The following LRGUK variants were observed in gnomAD, a reference collection of about 807,000 sequenced individuals.
LRGUK encodes leucine-rich repeat and guanylate kinase domain-containing protein.
Under a neutral mutation model 76.0 loss-of-function variants are expected in LRGUK, and 65 were observed. The ratio of observed to expected loss-of-function variants is 0.85; its 90% CI spans 0.70 to 1.05. LRGUK has a LOEUF of 1.05. Among genes scored for constraint, LRGUK ranks in the 50% least tolerant of loss-of-function variants. The pLI is 0.00. For synonymous variants in LRGUK, 268 were observed against 265.6 expected, an observed-to-expected ratio of 1.01 and a Z score of -0.09; for missense variants, 758 against 732.8, an observed-to-expected ratio of 1.03 and a Z score of -0.40.
intron 3 of LRGUK, among the ~76,000 whole-genome samples, chr7:134,142,670 CTAATTATCAAGA>C (rs1225391693): frequency 6.6e-6 from 1 of 152,154 alleles, no homozygotes; most frequent in Non-Finnish European, 1.5e-5. Flanking sequence ...TATTTAGGGG[CTAATTATCAAGA>C]GGATTATCTA....
intron 13 of LRGUK, among the ~76,000 whole-genome samples, chr7:134,197,907 T>TAAAA (rs1800573592): frequency 1.3e-5 from 2 of 152,176 alleles, no homozygotes; most frequent in South Asian, 2.1e-4. Flanking sequence ...ATGACACTTT[T>TAAAA]GGAATTAAAA....
At chr7:134,169,455 A>G (rs1799154785) in intron 7 of LRGUK, among the ~76,000 whole-genome samples, 1 of 152,174 alleles carries the variant, frequency 6.6e-6, no homozygotes, top group Admixed American at 6.5e-5. Context: ...AAACTTATAT[A>G]TCAAGTGAAA....
intron 15 of LRGUK, among the ~76,000 whole-genome samples, chr7:134,221,008 T>TG (rs1322517669): frequency 6.6e-6 from 1 of 152,180 alleles, no homozygotes; most frequent in African/African-American, 2.4e-5. Flanking sequence ...TCACTACACT[T>TG]GTAGTGCCTA....
intron 15 of LRGUK, chr7:134,208,658 C>G (rs1801106958): frequency 5.0e-6 from 2 of 398,272 alleles, no homozygotes; most frequent in South Asian, 1.3e-4. Context: ...AATTTCTAAG[C>G]AGTTAGTTAA....
chr7:134,263,832 G>C lies in LRGUK; in HGVS notation c.2348-13G>C. ...CAAGGGATTAACTATCTTTTTTTCT[G>C]AATGTTTTACAGCACTACCTATACA... On this transcript the variant is annotated splice_polypyrimidine_tract_variant and intron_variant, in intron 19 of 19. Transcript: ENST00000285928. 2 of 1,586,364 alleles carry C rather than the reference G, an allele frequency of 1.3e-6. No individual in the cohort carries two copies. Among genetic ancestry groups the C allele is most frequent in the Non-Finnish European group, 1.7e-6 (2 of 1,168,082 alleles).
intron 16 of LRGUK, among the ~76,000 whole-genome samples, chr7:134,226,400 T>C (rs1022072147): frequency 6.6e-6 from 1 of 152,150 alleles, no homozygotes; most frequent in African/African-American, 2.4e-5. Flanking sequence ...AATCTAATAT[T>C]CTCTTCCCTT....
intron 16 of LRGUK, among the ~76,000 whole-genome samples, chr7:134,226,910 C>T (rs928453371): frequency 3.9e-5 from 6 of 152,216 alleles, no homozygotes; most frequent in Admixed American, 1.3e-4. Context: ...CTCCTTTGGG[C>T]GATCATCAGC....
At chr7:134,169,186 ACACACACACT>A in intron 7 of LRGUK, among the ~76,000 whole-genome samples, 1 of 79,634 alleles carries the variant, frequency 1.3e-5, no homozygotes, top group East Asian at 3.0e-4. Context: ...ACACACACAC[ACACACACACT>A]GAAGGCCATG....
chr7:134,257,141 C>A (rs1052176606), intron 18 of LRGUK, among the ~76,000 whole-genome samples: 7 of 152,212 alleles, frequency 4.6e-5, no homozygotes, highest in African/African-American at 1.7e-4. Flanking sequence ...CAGTAAATTT[C>A]TCCTGCCTTC....
At chr7:134,240,116 G>C (rs1278049023) in intron 16 of LRGUK, among the ~76,000 whole-genome samples, 1 of 152,210 alleles carries the variant, frequency 6.6e-6, no homozygotes, top group Non-Finnish European at 1.5e-5. Context: ...GAGCAGAAAA[G>C]CTGAAAATTC....
rs1802395643 is a variant in LRGUK, at chr7:134,249,612, G to A, written c.2198+536G>A. On this transcript the variant is annotated intron_variant, in intron 18 of 19. Coordinates refer to the LRGUK transcript ENST00000285928. Reference sequence around the variant, plus strand: ...TATTTGCAACCAACCATTCTGATTAGTATGACGCTGTATTTCAAAATGTTT... The same window carrying A: ...TATTTGCAACCAACCATTCTGATTAATATGACGCTGTATTTCAAAATGTTT... Among the ~76,000 whole-genome samples the A allele has an allele frequency of 2.6e-5, 4 of 152,206 alleles. No individual in the cohort carries two copies. In the South Asian group the frequency reaches 8.3e-4, roughly 32 times the overall value.
At chr7:134,152,770 G>A (rs1484211752) in intron 5 of LRGUK, among the ~76,000 whole-genome samples, 2 of 152,032 alleles carry the variant, frequency 1.3e-5, no homozygotes, top group East Asian at 3.8e-4. Context: ...CTGGAGCCTT[G>A]TATAAGAATG....
chr7:134,190,402 C>G (rs1408119574), intron 11 of LRGUK, among the ~76,000 whole-genome samples: 1 of 152,098 alleles, frequency 6.6e-6, no homozygotes, highest in Non-Finnish European at 1.5e-5. Context: ...GAGACAGAAT[C>G]TCACTATGTT....
At chr7:134,247,577 C>G in exon 17 of LRGUK, 1 of 1,613,554 alleles carries the variant, frequency 6.2e-7, no homozygotes, top group Non-Finnish European at 8.5e-7. Flanking sequence ...TATACACAGA[C>G]AGCACGAGGC....
intron 3 of LRGUK, 86 bp downstream of exon 3, chr7:134,139,603 C>T (rs1279084210): frequency 1.3e-6 from 1 of 774,942 alleles, no homozygotes; most frequent in African/African-American, 1.8e-5. Context: ...TAATGCCAGA[C>T]TTGATATCAC....
rs1801442762 is a variant in LRGUK, at chr7:134,216,606, T to C, written c.1844-5173T>C. Among the ~76,000 whole-genome samples, 5 of 152,338 alleles carry C rather than the reference T, an allele frequency of 3.3e-5. No individual in the cohort carries two copies. In the South Asian group the frequency reaches 1.0e-3, roughly 32 times the overall value. ...TAAATGCTATCTGTTATTTTTACTATGATTTCATTATTGATAAAATCAAGA... is the reference window on the plus strand; with the variant it reads ...TAAATGCTATCTGTTATTTTTACTACGATTTCATTATTGATAAAATCAAGA... On this transcript the variant is annotated intron_variant, in intron 15 of 19. Coordinates refer to the LRGUK transcript ENST00000285928.
intron 16 of LRGUK, among the ~76,000 whole-genome samples, chr7:134,232,567 C>A (rs566921706): frequency 6.6e-6 from 1 of 152,144 alleles, no homozygotes; most frequent in Non-Finnish European, 1.5e-5. Flanking sequence ...CATAAGCCAC[C>A]GCACCAGGCC....
intron 4 of LRGUK, among the ~76,000 whole-genome samples, chr7:134,143,859 A>G (rs1473512422): frequency 2.0e-5 from 3 of 152,054 alleles, no homozygotes; most frequent in African/African-American, 7.2e-5. Flanking sequence ...ATTCTGACCC[A>G]TTAGGTCTGG....
chr7:134,150,136 G>A (rs545342554), intron 5 of LRGUK, among the ~76,000 whole-genome samples: 11 of 152,130 alleles, frequency 7.2e-5, no homozygotes, highest in Admixed American at 3.9e-4. Context: ...TTAGCCAGGC[G>A]TGGTGGCGGG....
Sources: gnomAD v4.1 joint callset for allele counts (sites outside exome capture counted in the v4.1 genomes callset) on GRCh38, gnomAD v4.1.1 for gene constraint, MANE v1.5 for transcripts, NCBI Gene and HGNC (gene_info 2026-07-23, HGNC 2026-07-21) for gene names.